Variants in WNT9B observed in about 807,000 individuals in gnomAD.
The protein encoded by WNT9B is protein Wnt-9b.
Under a neutral mutation model 30.2 loss-of-function variants are expected in WNT9B, and 12 were observed. That is an observed-to-expected ratio of 0.40 (90% confidence interval 0.26 to 0.64). WNT9B has a LOEUF of 0.64. WNT9B is among the 30% of genes least tolerant of loss of function. The pLI, the probability that WNT9B is intolerant of heterozygous loss-of-function variation, is 0.42. For synonymous variants in WNT9B, 218 were observed against 216.9 expected (o/e 1.01, Z -0.05); for missense variants, 442 against 485.2 (o/e 0.91, Z 0.84).
Position 46,872,793 on chromosome 17 carries a change from G to A in WNT9B, c.334+20G>A, listed in dbSNP as rs2085272737. The A allele has an allele frequency of 1.5e-6, 2 of 1,360,784 alleles. No homozygotes were observed. The highest frequency in any genetic ancestry group is 1.8e-5 in the Admixed American group (1 of 55,884). The allele number at this position is 1,360,784 out of a possible 1,614,324, so 84.3% of individuals were successfully genotyped here. ...AGAGAGGTGGGGAGGAGGGCTAGGG[G>A]ACGGGGAGGGCTGGGGGAAGAAGCC... On this transcript the variant is annotated intron_variant, in intron 2 of 3. Coordinates refer to ENST00000290015, the MANE Select transcript of WNT9B (RefSeq NM_003396.3).
chr17:46,863,989 C>T (rs1406560626), intron 1 of WNT9B, among the ~76,000 whole-genome samples: 2 of 152,202 alleles, frequency 1.3e-5, no homozygotes, highest in Non-Finnish European at 2.9e-5. Context: ...GTGGAATCTG[C>T]AGCATGGGAC....
intron 3 of WNT9B, among the ~76,000 whole-genome samples, 175 bp from the exon 4 acceptor site, chr17:46,876,070 C>T (rs2085339885): frequency 6.6e-6 from 1 of 152,148 alleles, no homozygotes. Flanking sequence ...TGTGTTCAGT[C>T]GCGTAAGTTG....
At chr17:46,841,556 G>A (rs1202265161) in intron 1 of WNT9B, among the ~76,000 whole-genome samples, 1 of 152,246 alleles carries the variant, frequency 6.6e-6, no homozygotes, top group Non-Finnish European at 1.5e-5. Context: ...GCGGGTTAAG[G>A]TGGGGGCGTG....
At chr17:46,838,574 C>T (rs2084661096) in intron 1 of WNT9B, among the ~76,000 whole-genome samples, 1 of 152,050 alleles carries the variant, frequency 6.6e-6, no homozygotes, top group South Asian at 2.1e-4. Context: ...CTGCAGTGAG[C>T]CATGATGGCG....
chr17:46,850,939 C>A (rs1350260145), upstream of WNT9B, among the ~76,000 whole-genome samples: 3 of 152,202 alleles, frequency 2.0e-5, no homozygotes, highest in Non-Finnish European at 4.4e-5. Flanking sequence ...CCACGCTGCG[C>A]GCCTCGCCGG....
At chr17:46,843,474 T>G (rs1405517702) in intron 1 of WNT9B, among the ~76,000 whole-genome samples, 2 of 152,252 alleles carry the variant, frequency 1.3e-5, no homozygotes, top group Non-Finnish European at 2.9e-5. Context: ...GCTCAAACAT[T>G]GCTGCATCTC....
chr17:46,837,862 A>G (rs1343481348), intron 1 of WNT9B, among the ~76,000 whole-genome samples: 1 of 152,188 alleles, frequency 6.6e-6, no homozygotes, highest in East Asian at 1.9e-4. Context: ...TGTGCACATC[A>G]CGGCCATATT....
intron 1 of WNT9B, among the ~76,000 whole-genome samples, chr17:46,864,722 G>C (rs371671189): frequency 5.3e-5 from 8 of 152,102 alleles, no homozygotes; most frequent in Admixed American, 1.3e-4. Flanking sequence ...AAACTGCCAG[G>C]CTTGGTGGAA....
intron 1 of WNT9B, among the ~76,000 whole-genome samples, chr17:46,845,599 C>T (rs1423942202): frequency 2.0e-5 from 3 of 147,830 alleles, no homozygotes; most frequent in Non-Finnish European, 3.0e-5. Flanking sequence ...AAACGATTTT[C>T]CTGCCTTGGC....
Position 46,876,785 on chromosome 17 carries a change from C to A in WNT9B, c.*67C>A, listed in dbSNP as rs1196773339. The A allele has an allele frequency of 6.8e-7, 1 of 1,472,224 alleles. No homozygotes were observed. The highest frequency in any genetic ancestry group is 9.0e-7 in the Non-Finnish European group (1 of 1,108,518). The allele number at this position is 1,472,224 out of a possible 1,614,324, so 91.2% of individuals were successfully genotyped here. A position where few individuals can be genotyped will look rare whatever the true frequency, so the allele number is the denominator to read the frequency against. On this transcript the variant is annotated 3_prime_UTR_variant, in exon 4 of 4. Transcript: ENST00000290015. ...CTGTGGCACCCTTCAAGCTGCCCAG[C>A]CGGCCCTCTGGGCAGACTGTCATCA...
chr17:46,881,190 G>T (rs1408963540), downstream of WNT9B, among the ~76,000 whole-genome samples: 4 of 152,192 alleles, frequency 2.6e-5, no homozygotes. Flanking sequence ...CAGTTCTTCA[G>T]CCCTGCTGGG....
chr17:46,850,149 C>T (rs2084824345), upstream of WNT9B, among the ~76,000 whole-genome samples: 1 of 152,198 alleles, frequency 6.6e-6, no homozygotes, highest in Admixed American at 6.5e-5. Flanking sequence ...CGTGCCTGGC[C>T]AGCATTTAAC....
intron 1 of WNT9B, among the ~76,000 whole-genome samples, chr17:46,860,432 G>A (rs1598847832): frequency 6.6e-6 from 1 of 152,236 alleles, no homozygotes; most frequent in African/African-American, 2.4e-5. Flanking sequence ...CTGTTATAGT[G>A]TAAGGGGCAC....
intron 1 of WNT9B, among the ~76,000 whole-genome samples, chr17:46,863,288 C>G (rs2085074361): frequency 6.6e-6 from 1 of 152,254 alleles, no homozygotes; most frequent in African/African-American, 2.4e-5. Flanking sequence ...CAGCCCCGAA[C>G]TGCACTCCTT....
At chr17:46,860,015 T>C (rs1443638758) in intron 1 of WNT9B, among the ~76,000 whole-genome samples, 2 of 151,980 alleles carry the variant, frequency 1.3e-5, no homozygotes, top group African/African-American at 4.8e-5. Flanking sequence ...AAAAACATAG[T>C]TGGAGGGAAG....
upstream of WNT9B, among the ~76,000 whole-genome samples, chr17:46,851,079 T>C (rs1165644340): frequency 6.6e-6 from 1 of 152,234 alleles, no homozygotes; most frequent in Non-Finnish European, 1.5e-5. The surrounding 1 kb of genome is among the most constrained non-coding windows in gnomAD (Gnocchi z 4.3). Context: ...AGAGCGGTTC[T>C]GCACCAGGAC....
At chr17:46,834,797 C>T (rs2084605468) in intron 1 of WNT9B, among the ~76,000 whole-genome samples, 1 of 152,172 alleles carries the variant, frequency 6.6e-6, no homozygotes, top group Non-Finnish European at 1.5e-5. Flanking sequence ...CAAGGGCTTC[C>T]CCCACGCTAA....
At chr17:46,870,904 CTTTTTTTTTTTTT>C (rs144277402) in intron 1 of WNT9B, among the ~76,000 whole-genome samples, 1 of 78,396 alleles carries the variant, frequency 1.3e-5, no homozygotes, top group African/African-American at 5.0e-5. Flanking sequence ...TCCACCTTTG[CTTTTTTTTTTTTT>C]TTTTTTTTTT....
intron 2 of WNT9B, among the ~76,000 whole-genome samples, chr17:46,874,333 G>A (rs989181053): frequency 6.6e-6 from 1 of 152,186 alleles, no homozygotes; most frequent in African/African-American, 2.4e-5. Flanking sequence ...GTCATAGGAA[G>A]CCCATGGGGC....
Sources: allele counts gnomAD v4.1 joint callset (sites outside exome capture counted in the v4.1 genomes callset), GRCh38; gene constraint gnomAD v4.1.1; non-coding constraint Gnocchi (gnomAD v3.1); transcripts MANE v1.5; gene names NCBI Gene and HGNC (gene_info 2026-07-23, HGNC 2026-07-21).